PAXBP1: variants seen among roughly 807,000 people sequenced by gnomAD.
The protein encoded by PAXBP1 is PAX3 and PAX7 binding protein 1.
In PAXBP1, 44 loss-of-function variants were observed where a neutral mutation model predicts 119.9. That is an observed-to-expected ratio of 0.37 (90% confidence interval 0.29 to 0.47). The LOEUF is 0.47. PAXBP1 is among the 20% of genes least tolerant of loss of function. The pLI is 0.99. For synonymous variants in PAXBP1, 393 were observed against 406.6 expected, an observed-to-expected ratio of 0.97 and a Z score of 0.40; for missense variants, 898 against 1,134.1, an observed-to-expected ratio of 0.79 and a Z score of 2.99.
At chr21:32,748,464 T>G in intron 11 of PAXBP1, 35 bp downstream of exon 11, 1 of 1,565,024 alleles carries the variant, frequency 6.4e-7, no homozygotes, top group Non-Finnish European at 8.7e-7. Flanking sequence ...GATATCAAAT[T>G]ATAACACTTT....
intron 5 of PAXBP1, among the ~76,000 whole-genome samples, 161 bp downstream of exon 5, chr21:32,760,898 C>T (rs993400870): frequency 7.4e-5 from 9 of 121,510 alleles, no homozygotes; most frequent in Non-Finnish European, 1.6e-4. Context: ...TGTGTGCGTG[C>T]GTGCGTGTGT....
At chr21:32,758,123 A>G (rs1043712414) in intron 7 of PAXBP1, among the ~76,000 whole-genome samples, 1 of 152,262 alleles carries the variant, frequency 6.6e-6, no homozygotes, top group African/African-American at 2.4e-5. Context: ...TCAGGAAGAC[A>G]TAGTCTGGCA....
At chr21:32,739,946 A>G (rs2043755162) in intron 15 of PAXBP1, among the ~76,000 whole-genome samples, 2 of 146,274 alleles carry the variant, frequency 1.4e-5, no homozygotes, top group African/African-American at 5.1e-5. Flanking sequence ...TTTAAAAAAA[A>G]AAAAAAAAAA....
intron 15 of PAXBP1, chr21:32,741,585 AT>A (rs748774227): frequency 2.6e-6 from 2 of 768,190 alleles, no homozygotes; most frequent in East Asian, 4.9e-5. Flanking sequence ...CCTTCTGGGT[AT>A]GGGGCAGGAC....
At chr21:32,761,186 AAGT>A (rs754909075) in intron 4 of PAXBP1, 24 bp from the exon 5 acceptor site, 23 of 1,580,056 alleles carry the variant, frequency 1.5e-5, no homozygotes, top group Non-Finnish European at 2.0e-5. Flanking sequence ...CAACAAAGAA[AAGT>A]AAGTAACACC....
In PAXBP1 at chr21:32,764,383, G is replaced by A. The variant is rs568169291; in HGVS notation, c.614C>T (p.Ser205Leu). Residue 205 changes from serine (S) to leucine (L), a missense_variant, in exon 3 of 18, where the codon TCA becomes TTA. By Grantham distance (145) the Ser-to-Leu change is moderately radical. Coordinates refer to ENST00000331923, the MANE Select transcript of PAXBP1 (RefSeq NM_016631.4). ...EEKPKTGGAF[S>L]NALSSLNVLR... ...AACATTCAATGAAGATAAAGCATTT[G>A]AAAAAGCTCCACCAGTCTTTGGCTT... 1 of 1,613,744 alleles carries A rather than the reference G, an allele frequency of 6.2e-7. No homozygotes were observed. The highest frequency in any genetic ancestry group is 8.5e-7 in the Non-Finnish European group (1 of 1,179,854).
chr21:32,761,009 A>G, intron 5 of PAXBP1, 50 bp downstream of exon 5: 1 of 1,492,982 alleles, frequency 6.7e-7, no homozygotes, highest in Non-Finnish European at 9.1e-7. Flanking sequence ...ACAAAATAAA[A>G]AAGGCTTTTT....
Position 32,734,684 on chromosome 21 carries a change from A to G in PAXBP1, c.*266T>C. ...ACACATCGTTTACAGGGGACAATTAACTGAGAGGGTTAATTTAAATGACCA... is the reference window on the plus strand; with the variant it reads ...ACACATCGTTTACAGGGGACAATTAGCTGAGAGGGTTAATTTAAATGACCA... On this transcript the variant is annotated 3_prime_UTR_variant, in exon 18 of 18. Transcript: ENST00000331923. 1 of 453,852 alleles carries G rather than the reference A, an allele frequency of 2.2e-6. No homozygotes were observed. Among genetic ancestry groups the G allele is most frequent in the Non-Finnish European group, 4.0e-6 (1 of 252,388 alleles). 28.1% of individuals were successfully genotyped at this position (453,852 alleles called of 1,614,324 possible).
rs2043663169 is a variant in PAXBP1 at position 32,734,391 on chromosome 21, C to G, written c.*559G>C. The G allele has an allele frequency of 6.5e-6, 1 of 153,074 alleles. No homozygotes were observed. The allele number at this position is 153,074 out of a possible 1,614,324, so 9.5% of individuals were successfully genotyped here. A position where few individuals can be genotyped will look rare whatever the true frequency, so the allele number is the denominator to read the frequency against. On this transcript the variant is annotated 3_prime_UTR_variant, in exon 18 of 18. Transcript: ENST00000331923. ...TTCAAGGAAGAAAGTTCAACATTCA[C>G]TCAATGACTAAGTCCACAACTCAAC...
intron 15 of PAXBP1, among the ~76,000 whole-genome samples, chr21:32,741,957 T>G (rs1034488147): frequency 2.6e-5 from 4 of 152,320 alleles, no homozygotes; most frequent in Admixed American, 2.6e-4. Flanking sequence ...AACCTAACTC[T>G]GGTGCACCTA....
intron 8 of PAXBP1, among the ~76,000 whole-genome samples, chr21:32,754,083 C>A (rs940697297): frequency 6.6e-6 from 1 of 152,100 alleles, no homozygotes; most frequent in African/African-American, 2.4e-5. Flanking sequence ...GGGCTCATAG[C>A]TGAGACTACC....
chr21:32,736,147 C>G (rs1337636458), intron 17 of PAXBP1, among the ~76,000 whole-genome samples: 1 of 152,060 alleles, frequency 6.6e-6, no homozygotes, highest in African/African-American at 2.4e-5. Flanking sequence ...AGAACAAAAT[C>G]AAATCAGCCA....
At chr21:32,744,356 A>C (rs1386915857) in intron 13 of PAXBP1, among the ~76,000 whole-genome samples, 1 of 151,948 alleles carries the variant, frequency 6.6e-6, no homozygotes, top group Non-Finnish European at 1.5e-5. Context: ...GTTGGGCCGC[A>C]TTCAAAGCCG....
chr21:32,771,257 CG>C, intron 1 of PAXBP1, 68 bp downstream of exon 1: 5 of 1,374,146 alleles, frequency 3.6e-6, no homozygotes, highest in Admixed American at 2.4e-5. Context: ...CCAGAGAATA[CG>C]GGGGCGGGGG....
chr21:32,752,443 G>T (rs560762643), intron 8 of PAXBP1, among the ~76,000 whole-genome samples: 2 of 152,152 alleles, frequency 1.3e-5, no homozygotes, highest in African/African-American at 4.8e-5. Flanking sequence ...CAACCCAAAC[G>T]ACTGGGTGAG....
Position 32,764,470 on chromosome 21 carries a change from C to T in PAXBP1, c.527G>A (p.Gly176Glu), listed in dbSNP as rs922542037. 6.2e-7 allele frequency: 1 copy of T among 1,613,718 alleles called. No homozygotes were observed. Residue 176 changes from glycine to glutamate, a missense_variant, in exon 3 of 18, where the codon GGA becomes GAA. By Grantham distance (98) the Gly-to-Glu change is moderately conservative. Transcript: ENST00000331923. ...GHVKDTNQED[G>E]VIISEHGEDE... ...TTCACCATGTTCACTGATGATAACT[C>T]CATCTTCTTGATTTGTATCCTTAAC...
intron 4 of PAXBP1, among the ~76,000 whole-genome samples, chr21:32,761,718 A>G (rs1434763642): frequency 2.6e-5 from 4 of 151,374 alleles, no homozygotes; most frequent in African/African-American, 7.4e-5. Context: ...AGGCTGAGGC[A>G]TGGTGGCCCA....
chr21:32,771,517 G>A lies in PAXBP1; in HGVS notation c.152C>T (p.Pro51Leu). The A allele has an allele frequency of 2.2e-6, 3 of 1,333,450 alleles. No homozygotes were observed. Among genetic ancestry groups the A allele is most frequent in the Non-Finnish European group, 2.9e-6 (3 of 1,048,204 alleles). 82.6% of individuals were successfully genotyped at this position (1,333,450 alleles called of 1,614,324 possible). A position where few individuals can be genotyped will look rare whatever the true frequency, so the allele number is the denominator to read the frequency against. Reference sequence around the variant, plus strand: ...CGGGCCCAGCAGCGACTCCCCGCCAGGGGCCCTGTCGCCGCCACCGGGGCC... The same window carrying A: ...CGGGCCCAGCAGCGACTCCCCGCCAAGGGCCCTGTCGCCGCCACCGGGGCC... ...EAGPGGGDRA[P>L]GGESLLGPGP... Residue 51 changes from proline to leucine, a missense_variant, in exon 1 of 18, where the codon CCT becomes CTT. Pro to Leu is a moderately conservative substitution (Grantham distance 98, BLOSUM62 -3). Around this residue, in one of 2 missense-constraint regions of PAXBP1, gnomAD observed 299 missense variants for 281.4 expected, o/e 1.06. Transcript: ENST00000331923.
At chr21:32,743,154 C>A in intron 15 of PAXBP1, 94 bp downstream of exon 15, 1 of 863,870 alleles carries the variant, frequency 1.2e-6, no homozygotes, top group Non-Finnish European at 1.9e-6. Flanking sequence ...TAGATCTAAG[C>A]CTATGGAGTT....
Sources: allele counts gnomAD v4.1 joint callset (sites outside exome capture counted in the v4.1 genomes callset), GRCh38; gene constraint gnomAD v4.1.1; regional missense constraint gnomAD v4.1.1; transcripts MANE v1.5; gene names NCBI Gene and HGNC (gene_info 2026-07-23, HGNC 2026-07-21).